The following ARHGAP10 variants were observed in gnomAD, a reference collection of about 807,000 sequenced individuals.
ARHGAP10 encodes Rho GTPase activating protein 10, also known as rho GTPase-activating protein 10.
In ARHGAP10, 87 loss-of-function variants were observed where a neutral mutation model predicts 108.6. The ratio of observed to expected loss-of-function variants is 0.80; its 90% CI spans 0.67 to 0.96. The LOEUF (loss-of-function observed/expected upper bound fraction) is 0.96, where lower values mean the gene tolerates loss of function less well. Among genes scored for constraint, ARHGAP10 ranks in the 40% least tolerant of loss-of-function variants. The pLI is 0.00. For missense variants in ARHGAP10, 939 were observed against 954.5 expected (o/e 0.98, Z 0.21); for synonymous variants, 347 against 341.1 (o/e 1.02, Z -0.19).
At chr4:148,003,669 G>A (rs537172067) in intron 18 of ARHGAP10, among the ~76,000 whole-genome samples, 5 of 152,222 alleles carry the variant, frequency 3.3e-5, no homozygotes, top group East Asian at 1.9e-4. Context: ...TTATGTAATG[G>A]CCTTCTTTGT....
intron 22 of ARHGAP10, among the ~76,000 whole-genome samples, chr4:148,069,131 G>T (rs950686696): frequency 6.6e-6 from 1 of 152,126 alleles, no homozygotes; most frequent in Non-Finnish European, 1.5e-5. Flanking sequence ...GCCCCAGATG[G>T]GTATTTTGGG....
chr4:147,893,456 CTA>C (rs1426845638), intron 10 of ARHGAP10, among the ~76,000 whole-genome samples: 1 of 141,610 alleles, frequency 7.1e-6, no homozygotes, highest in African/African-American at 2.5e-5. Flanking sequence ...ATTATTCTCT[CTA>C]TATATAATAC....
intron 8 of ARHGAP10, among the ~76,000 whole-genome samples, chr4:147,877,536 T>C (rs1216085141): frequency 1.3e-5 from 2 of 152,236 alleles, no homozygotes; most frequent in East Asian, 3.8e-4. Flanking sequence ...TACATGAAAT[T>C]ACTGTGATAA....
intron 5 of ARHGAP10, among the ~76,000 whole-genome samples, chr4:147,860,112 G>A (rs999644082): frequency 2.6e-5 from 4 of 152,174 alleles, no homozygotes; most frequent in Admixed American, 1.3e-4. Context: ...GCTTAGAAAC[G>A]TACATAATTC....
intron 1 of ARHGAP10, among the ~76,000 whole-genome samples, chr4:147,768,860 T>G (rs1729948376): frequency 6.6e-6 from 1 of 151,698 alleles, no homozygotes; most frequent in Non-Finnish European, 1.5e-5. Context: ...TTCCTCAGAC[T>G]CCCAAGTAGC....
At chr4:147,960,620 A>C (rs1173830087) in intron 16 of ARHGAP10, among the ~76,000 whole-genome samples, 2 of 152,212 alleles carry the variant, frequency 1.3e-5, no homozygotes, top group African/African-American at 4.8e-5. Context: ...CTTTAAGTGA[A>C]CTTTTTGTTG....
intron 10 of ARHGAP10, among the ~76,000 whole-genome samples, chr4:147,886,590 C>T (rs56756471): frequency 0.042 from 6,446 of 152,220 alleles, 430 homozygotes; most frequent in African/African-American, 0.15. Context: ...CCCTTCACTC[C>T]ACTGCTTCTT....
chr4:148,026,417 C>G (rs1483134408), intron 19 of ARHGAP10, among the ~76,000 whole-genome samples: 1 of 152,166 alleles, frequency 6.6e-6, no homozygotes, highest in East Asian at 1.9e-4. Flanking sequence ...ACCTCACCCC[C>G]ACTCCCAATT....
intron 1 of ARHGAP10, among the ~76,000 whole-genome samples, chr4:147,734,449 AGT>A (rs1728344825): frequency 6.6e-6 from 1 of 152,146 alleles, no homozygotes. Context: ...GTAATTGGGA[AGT>A]GTCTTTTTTT....
chr4:147,868,755 G>A (rs935913098), intron 7 of ARHGAP10, among the ~76,000 whole-genome samples: 2 of 152,034 alleles, frequency 1.3e-5, no homozygotes, highest in African/African-American at 4.8e-5. Context: ...TTCTCATAAG[G>A]ACTGCACAAT....
chr4:147,916,772 G>C (rs1283462612), intron 13 of ARHGAP10: 5 of 152,252 alleles, frequency 3.3e-5, no homozygotes, highest in African/African-American at 4.8e-5. Context: ...GGCATATCTA[G>C]AGGGTAAAGG....
intron 18 of ARHGAP10, among the ~76,000 whole-genome samples, chr4:148,004,897 AAATAT>A (rs1428560825): frequency 5.3e-5 from 8 of 152,338 alleles, no homozygotes; most frequent in Admixed American, 2.0e-4. Context: ...ATGAGTCAGA[AAATAT>A]AATAAGAGTA....
In ARHGAP10 at chr4:147,857,172, C is replaced by T. The variant is rs564929866; in HGVS notation, c.385-381C>T. Among the ~76,000 whole-genome samples, 21 of 152,322 alleles carry T rather than the reference C, an allele frequency of 1.4e-4. 1 individual carries two copies. The highest frequency in any genetic ancestry group is 9.1e-4 in the Admixed American group (14 of 15,302). On this transcript the variant is annotated intron_variant, in intron 4 of 22. Transcript: ENST00000336498. Reference sequence around the variant, plus strand: ...ATTATTCCATTTTAAACGAATTCCACGTCTGTGCCAAAATCTGGAGCAAGT... The same window carrying T: ...ATTATTCCATTTTAAACGAATTCCATGTCTGTGCCAAAATCTGGAGCAAGT...
At chr4:147,859,860 C>CA (rs1264697396) in intron 5 of ARHGAP10, among the ~76,000 whole-genome samples, 7 of 152,220 alleles carry the variant, frequency 4.6e-5, no homozygotes, top group Admixed American at 2.6e-4. Context: ...TAATTTGTTT[C>CA]ATTTAAATTA....
chr4:147,772,285 G>A (rs1730114147), intron 1 of ARHGAP10, among the ~76,000 whole-genome samples: 1 of 152,158 alleles, frequency 6.6e-6, no homozygotes, highest in African/African-American at 2.4e-5. Context: ...CCTAGGTTCC[G>A]TGTTTCCACC....
At chr4:147,940,397 AT>A (rs894548835) in intron 14 of ARHGAP10, among the ~76,000 whole-genome samples, 1 of 152,244 alleles carries the variant, frequency 6.6e-6, no homozygotes, top group Non-Finnish European at 1.5e-5. Context: ...ATCTGTGCTG[AT>A]AACACAGTGT....
chr4:147,942,061 T>C (rs1448016824), intron 14 of ARHGAP10, among the ~76,000 whole-genome samples: 1 of 152,218 alleles, frequency 6.6e-6, no homozygotes, highest in Non-Finnish European at 1.5e-5. Flanking sequence ...CCCATTTTGC[T>C]CATTGTTAGA....
chr4:147,912,576 T>G (rs867522423), intron 12 of ARHGAP10, among the ~76,000 whole-genome samples: 8,858 of 111,718 alleles, frequency 0.079, 543 homozygotes, highest in East Asian at 0.15. Context: ...TATATATATA[T>G]ATATATATAT....
At chr4:147,969,270 T>G (rs1739315777) in intron 18 of ARHGAP10, among the ~76,000 whole-genome samples, 1 of 152,094 alleles carries the variant, frequency 6.6e-6, no homozygotes, top group African/African-American at 2.4e-5. Context: ...GGGGATTTTC[T>G]TTACCATTAT....
Sources: gnomAD v4.1 joint callset for allele counts (sites outside exome capture counted in the v4.1 genomes callset) on GRCh38, gnomAD v4.1.1 for gene constraint, MANE v1.5 for transcripts, NCBI Gene and HGNC (gene_info 2026-07-23, HGNC 2026-07-21) for gene names.